The following PCDHGA5 variants were observed in gnomAD, a reference collection of about 807,000 sequenced individuals.
The protein encoded by PCDHGA5 is protocadherin gamma-A5.
A neutral mutation model predicts 56.7 loss-of-function variants in PCDHGA5; 36 were observed. That is an observed-to-expected ratio of 0.64 (90% CI 0.49 to 0.84). The LOEUF is 0.84. Ranked by LOEUF, PCDHGA5 falls within the 40% of genes least tolerant of loss-of-function variation. PCDHGA5 has a pLI of 0.00. For synonymous variants in PCDHGA5, 563 were observed against 520.2 expected (o/e 1.08, Z -1.12); for missense variants, 1,305 against 1,201.5 (o/e 1.09, Z -1.27).
At chr5:141,469,372 C>G (rs780872014) in intron 1 of PCDHGA5, among the ~76,000 whole-genome samples, 5 of 151,990 alleles carry the variant, frequency 3.3e-5, no homozygotes, top group Non-Finnish European at 5.9e-5. Flanking sequence ...GTAAAGAGAT[C>G]GAGACCATCC....
At chr5:141,370,782 C>G in intron 1 of PCDHGA5, 1 of 1,613,988 alleles carries the variant, frequency 6.2e-7, no homozygotes, top group Non-Finnish European at 8.5e-7. Context: ...TAACGACAAC[C>G]CACCGACCTT....
At chr5:141,371,594 C>T (rs1767874002) in intron 1 of PCDHGA5, 1 of 1,613,990 alleles carries the variant, frequency 6.2e-7, no homozygotes, top group Middle Eastern at 1.6e-4. Flanking sequence ...ATACCAAAAA[C>T]ACATACAGGT....
In PCDHGA5 at chr5:141,371,087, T is replaced by C. The variant is rs761408104; in HGVS notation, c.2421+4336T>C. ...GCTGTACCACCCAGATCAGGGTAAT[T>C]GTCGCAGATGCAAATGATAACCCCC... On this transcript the variant is annotated intron_variant, in intron 1 of 3. Transcript: ENST00000518069. 8 of 1,613,772 alleles carry C rather than the reference T, an allele frequency of 5.0e-6. No individual in the cohort carries two copies. The South Asian group carries it at 8.8e-5, about 18-fold the overall frequency.
At chr5:141,413,115 A>C in intron 1 of PCDHGA5, 1 of 1,507,478 alleles carries the variant, frequency 6.6e-7, no homozygotes, top group Non-Finnish European at 8.9e-7. Context: ...AGACAAAGGA[A>C]CCGGTTGAAA....
chr5:141,389,712 A>G, intron 1 of PCDHGA5: 1 of 1,612,620 alleles, frequency 6.2e-7, no homozygotes, highest in East Asian at 2.2e-5. Context: ...GCTGCAGGCT[A>G]GCGAGCCCGG....
At chr5:141,400,394 G>A in intron 1 of PCDHGA5, 2 of 1,614,072 alleles carry the variant, frequency 1.2e-6, no homozygotes, top group Non-Finnish European at 1.7e-6. Context: ...GCACATACAG[G>A]AAAGACGGAG....
chr5:141,449,165 G>A (rs144669334), intron 1 of PCDHGA5, among the ~76,000 whole-genome samples: 3 of 152,234 alleles, frequency 2.0e-5, no homozygotes, highest in Admixed American at 1.3e-4. Context: ...GGAAATAGGT[G>A]TAATTTTCTT....
In PCDHGA5 at chr5:141,485,219, A is replaced by C. The variant is rs954128321; in HGVS notation, c.2422-9588A>C. 20 of 1,613,930 alleles carry C rather than the reference A, an allele frequency of 1.2e-5. No individual in the cohort carries two copies. The highest frequency in any genetic ancestry group is 1.6e-5 in the Non-Finnish European group (19 of 1,179,944). On this transcript the variant is annotated intron_variant, in intron 1 of 3. Coordinates refer to ENST00000518069, the MANE Select transcript of PCDHGA5 (RefSeq NM_018918.3). The surrounding 1 kb of genome is among the most constrained non-coding windows in gnomAD (Gnocchi z 5.7). The stretch of plus-strand genomic sequence containing the variant: ...CTGGACAGAAATCTGGCGGTGGGCT[A>C]CCCTTTTGTTCCTCTTTTACCACCT...
chr5:141,433,408 A>T lies in PCDHGA5; in HGVS notation c.2422-61399A>T, dbSNP rs1052180455. On this transcript the variant is annotated intron_variant, in intron 1 of 3. Coordinates refer to ENST00000518069, the MANE Select transcript of PCDHGA5 (RefSeq NM_018918.3). Reference sequence around the variant, plus strand: ...CTATCTATCTATCTATCTATCTATTACTTTCTTGTACAGACAGGAGTCTCA... The same window carrying T: ...CTATCTATCTATCTATCTATCTATTTCTTTCTTGTACAGACAGGAGTCTCA... 4.2e-3 allele frequency among the ~76,000 whole-genome samples: 537 copies of T among 127,344 alleles called. 4 individuals carry two copies. The highest frequency in any genetic ancestry group is 0.015 in the African/African-American group (523 of 34,010). 83.5% of individuals were successfully genotyped at this position (127,344 alleles called of 152,430 possible). A position where few individuals can be genotyped will look rare whatever the true frequency, so the allele number is the denominator to read the frequency against.
At chr5:141,508,499 C>T (rs1425054102) in intron 3 of PCDHGA5, among the ~76,000 whole-genome samples, 7 of 152,212 alleles carry the variant, frequency 4.6e-5, no homozygotes, top group Non-Finnish European at 1.0e-4. Flanking sequence ...CATATCTTCT[C>T]TCCCTCCTGG....
Position 141,365,656 on chromosome 5 carries a change from A to C in PCDHGA5, c.1326A>C (p.Val442=). Reference sequence around the variant, plus strand: ...CAGAAAGCCACATCCCCTTGAAAGTAGCAGACGTTAATGACAACCCACCCA... The same window carrying C: ...CAGAAAGCCACATCCCCTTGAAAGTCGCAGACGTTAATGACAACCCACCCA... ...LSTESHIPLK[V]ADVNDNPPNF... is the part of the protein sequence containing the mutation. The change falls in exon 1 of 4, where the codon GTA becomes GTC. Residue 442 remains valine, a synonymous_variant. Coordinates refer to ENST00000518069, the MANE Select transcript of PCDHGA5 (RefSeq NM_018918.3). 2 of 1,613,518 alleles carry C rather than the reference A, an allele frequency of 1.2e-6. No individual in the cohort carries two copies.
intron 1 of PCDHGA5, among the ~76,000 whole-genome samples, chr5:141,469,821 G>A (rs2099212107): frequency 6.6e-6 from 1 of 152,028 alleles, no homozygotes; most frequent in Admixed American, 6.6e-5. Flanking sequence ...TAGAATGGAG[G>A]TCACATAAAA....
intron 1 of PCDHGA5, chr5:141,404,402 A>T: frequency 6.2e-7 from 1 of 1,613,850 alleles, no homozygotes; most frequent in Non-Finnish European, 8.5e-7. Context: ...TAGCAATGAG[A>T]ATTCTAGAGT....
intron 1 of PCDHGA5, chr5:141,404,334 T>TC: frequency 6.2e-7 from 1 of 1,613,882 alleles, no homozygotes; most frequent in Non-Finnish European, 8.5e-7. Context: ...TCAGTCTACC[T>TC]CCCGGAAAAC....
intron 1 of PCDHGA5, among the ~76,000 whole-genome samples, chr5:141,379,925 A>T (rs1776079128): frequency 2.1e-5 from 1 of 48,106 alleles, no homozygotes; most frequent in East Asian, 5.2e-4. Context: ...TTTTTGTCAG[A>T]GTCTTGCTCT....
chr5:141,379,540 G>C (rs1322397241), intron 1 of PCDHGA5: 2 of 152,194 alleles, frequency 1.3e-5, no homozygotes, highest in Non-Finnish European at 2.9e-5. Context: ...TATAGGGAAA[G>C]CTCACTAACT....
chr5:141,475,381 T>G (rs1182018899), intron 1 of PCDHGA5, among the ~76,000 whole-genome samples: 3 of 152,226 alleles, frequency 2.0e-5, no homozygotes, highest in Non-Finnish European at 4.4e-5. Flanking sequence ...ACTTTTAAAT[T>G]TTATAAGCCA....
At chr5:141,384,202 GA>G (rs1561601011) in intron 1 of PCDHGA5, 1 of 1,613,852 alleles carries the variant, frequency 6.2e-7, no homozygotes, top group Non-Finnish European at 8.5e-7. Flanking sequence ...CTTGTCCAGG[GA>G]AACTCACATA....
chr5:141,405,195 C>T, intron 1 of PCDHGA5: 1 of 1,613,786 alleles, frequency 6.2e-7, no homozygotes. Context: ...GGGGTTCGAG[C>T]TTTCCTACAG....
Sources: gnomAD v4.1 joint callset for allele counts (sites outside exome capture counted in the v4.1 genomes callset) on GRCh38, gnomAD v4.1.1 for gene constraint, Gnocchi (gnomAD v3.1) non-coding constraint, MANE v1.5 for transcripts, NCBI Gene and HGNC (gene_info 2026-07-23, HGNC 2026-07-21) for gene names.